PLCG2: variants seen among roughly 807,000 people sequenced by gnomAD.
PLCG2 encodes phospholipase C gamma 2.
Under a neutral mutation model 175.6 loss-of-function variants are expected in PLCG2, and 69 were observed. That is an observed-to-expected ratio of 0.39 (90% CI 0.32 to 0.48). The LOEUF is 0.48. Ranked by LOEUF, PLCG2 falls within the 20% of genes least tolerant of loss-of-function variation. The pLI, the probability that PLCG2 is intolerant of heterozygous loss-of-function variation, is 0.91. For synonymous variants in PLCG2, 827 were observed against 624.0 expected (o/e 1.33, Z -4.85); for missense variants, 1,798 against 1,650.9 (o/e 1.09, Z -1.54).
At chr16:81,745,227 C>G (rs1909680688) in intron 1 of PLCG2, among the ~76,000 whole-genome samples, 1 of 152,174 alleles carries the variant, frequency 6.6e-6, no homozygotes, top group African/African-American at 2.4e-5. Flanking sequence ...TTCCTAGCCT[C>G]CCTCCCACTG....
At chr16:81,932,010 G>C (rs1197369528) in intron 25 of PLCG2, among the ~76,000 whole-genome samples, 1 of 152,176 alleles carries the variant, frequency 6.6e-6, no homozygotes, top group East Asian at 1.9e-4. Context: ...AAAGCAGTCT[G>C]GATCCTCCTG....
At chr16:81,744,268 C>T (rs1021769049) in intron 1 of PLCG2, among the ~76,000 whole-genome samples, 1 of 150,708 alleles carries the variant, frequency 6.6e-6, no homozygotes, top group South Asian at 2.1e-4. Flanking sequence ...CCTGGGTTCA[C>T]GCCATTCTGC....
chr16:81,794,206 A>C (rs1911363791), intron 2 of PLCG2, among the ~76,000 whole-genome samples: 1 of 152,208 alleles, frequency 6.6e-6, no homozygotes, highest in African/African-American at 2.4e-5. Flanking sequence ...GTTGGGGACA[A>C]GGGTGCCGAA....
intron 2 of PLCG2, among the ~76,000 whole-genome samples, chr16:81,806,394 C>T (rs1027504111): frequency 2.0e-5 from 3 of 151,982 alleles, no homozygotes; most frequent in African/African-American, 7.2e-5. Flanking sequence ...GTGTGTCTAC[C>T]AGCTTTGCCA....
intron 2 of PLCG2, among the ~76,000 whole-genome samples, chr16:81,831,583 G>T (rs1343222524): frequency 6.6e-6 from 1 of 152,162 alleles, no homozygotes; most frequent in Non-Finnish European, 1.5e-5. Flanking sequence ...CCCCTGGCTG[G>T]GTCTCTGACC....
chr16:81,796,328 C>G (rs184927659), intron 2 of PLCG2, among the ~76,000 whole-genome samples: 1 of 152,230 alleles, frequency 6.6e-6, no homozygotes, highest in African/African-American at 2.4e-5. Context: ...TTGCAACCTC[C>G]CAAGGATGGA....
intron 26 of PLCG2, among the ~76,000 whole-genome samples, chr16:81,935,336 C>T (rs911163256): frequency 6.6e-6 from 1 of 152,098 alleles, no homozygotes; most frequent in African/African-American, 2.4e-5. Context: ...ATTTCAAGCT[C>T]CTTAATCACA....
At chr16:81,957,930 T>A (rs1295368344) in intron 32 of PLCG2, 26 bp from the exon 33 acceptor site, 1 of 1,610,594 alleles carries the variant, frequency 6.2e-7, no homozygotes, top group South Asian at 1.1e-5. Flanking sequence ...GGCCCACTGC[T>A]GATGGTGAAA....
At chr16:81,788,847 C>T (rs545284388) in intron 2 of PLCG2, among the ~76,000 whole-genome samples, 1 of 152,192 alleles carries the variant, frequency 6.6e-6, no homozygotes, top group African/African-American at 2.4e-5. Flanking sequence ...CGGCTCCACC[C>T]CCAGGTGGCC....
chr16:81,765,886 T>A lies in PLCG2; in HGVS notation c.-48+9920T>A, dbSNP rs118187450. ...TGCTGTGTAGCCAAGGTGGGTTACA[T>A]ACTAGGAAAGGGCCCTGGGGGCCCC... is the stretch of plus-strand genomic sequence containing the variant. On this transcript the variant is annotated intron_variant, in intron 2 of 5. Coordinates refer to the PLCG2 transcript ENST00000565054. Among the ~76,000 whole-genome samples, 113 of 152,278 alleles carry A rather than the reference T, an allele frequency of 7.4e-4. 1 individual carries two copies. In the East Asian group the frequency reaches 0.017, roughly 23 times the overall value.
intron 2 of PLCG2, among the ~76,000 whole-genome samples, chr16:81,819,264 G>A (rs1246179991): frequency 6.6e-6 from 1 of 152,156 alleles, no homozygotes; most frequent in Non-Finnish European, 1.5e-5. Context: ...CAGATGGCTG[G>A]GCAGAGTCAG....
At chr16:81,885,327 A>G (rs1908306644) in intron 9 of PLCG2, among the ~76,000 whole-genome samples, 1 of 78,088 alleles carries the variant, frequency 1.3e-5, no homozygotes, top group Admixed American at 1.5e-4. Flanking sequence ...CCCAGCCCCG[A>G]CTAATTTTGT....
At chr16:81,818,883 ATTTTTTT>A (rs57346304) in intron 2 of PLCG2, among the ~76,000 whole-genome samples, 5 of 106,640 alleles carry the variant, frequency 4.7e-5, no homozygotes, top group African/African-American at 4.0e-5. Context: ...GGGCTCATGG[ATTTTTTT>A]TTTTTTTTTT....
At chr16:81,883,171 C>T (rs750990172) in intron 8 of PLCG2, 98 bp from the exon 9 acceptor site, 29 of 975,150 alleles carry the variant, frequency 3.0e-5, no homozygotes, top group Non-Finnish European at 4.0e-5. Flanking sequence ...CTAAGTGGGG[C>T]GTTCTGGGTG....
intron 2 of PLCG2, among the ~76,000 whole-genome samples, chr16:81,851,089 A>G (rs189058592): frequency 6.6e-5 from 10 of 152,226 alleles, no homozygotes; most frequent in Non-Finnish European, 1.3e-4. Flanking sequence ...TCTCACCTTC[A>G]TCCCTAATAC....
intron 2 of PLCG2, among the ~76,000 whole-genome samples, chr16:81,816,388 G>C (rs1182794102): frequency 6.6e-6 from 1 of 152,020 alleles, no homozygotes; most frequent in Non-Finnish European, 1.5e-5. Context: ...AAATAAATTA[G>C]GCTTCAGATA....
At position 81,924,086 on chromosome 16, in the gene PLCG2, T is replaced by C. The variant is rs1597135148; in HGVS notation, c.2417+492T>C. 2.0e-5 allele frequency among the ~76,000 whole-genome samples: 3 copies of C among 152,372 alleles called. No homozygotes were observed. In the South Asian group the frequency reaches 6.2e-4, roughly 32 times the overall value. On this transcript the variant is annotated intron_variant, in intron 22 of 32. Coordinates refer to ENST00000564138, the MANE Select transcript of PLCG2 (RefSeq NM_002661.5). ...TGCTGTTCCATAGTCCCGTGCTGTG[T>C]GCAATGGCCACATCCTGAATTGAAG...
At position 81,921,197 on chromosome 16, in the gene PLCG2, G is replaced by A; in HGVS notation, c.2236-1G>A. 1 of 1,561,526 alleles carries A rather than the reference G, an allele frequency of 6.4e-7. No homozygotes were observed. Among genetic ancestry groups the A allele is most frequent in the Non-Finnish European group, 8.8e-7 (1 of 1,133,680 alleles). The stretch of plus-strand genomic sequence containing the variant: ...ATTTCTTTCTTTCTTTTTTTTTCCA[G>A]GAAAGAGATATAAACTCCCTCTACG... On this transcript the variant is annotated splice_acceptor_variant, in intron 20 of 32. Transcript: ENST00000564138. LOFTEE classifies it high-confidence loss of function.
At chr16:81,786,489 C>G (rs570283446) in intron 2 of PLCG2, among the ~76,000 whole-genome samples, 24 of 152,318 alleles carry the variant, frequency 1.6e-4, no homozygotes, top group Non-Finnish European at 2.6e-4. Flanking sequence ...CAGGGATCGT[C>G]TGGTTCCCAC....
Sources: allele counts gnomAD v4.1 joint callset (sites outside exome capture counted in the v4.1 genomes callset), GRCh38; gene constraint gnomAD v4.1.1; transcripts MANE v1.5; gene names NCBI Gene and HGNC (gene_info 2026-07-23, HGNC 2026-07-21).